The following DSCAML1 variants were observed in gnomAD, a reference collection of about 807,000 sequenced individuals.
DSCAML1 encodes DS cell adhesion molecule like 1.
A neutral mutation model predicts 200.5 loss-of-function variants in DSCAML1; 38 were observed. That is an observed-to-expected ratio of 0.19 (90% CI 0.15 to 0.25). The LOEUF (loss-of-function observed/expected upper bound fraction) is 0.25, where lower values mean the gene tolerates loss of function less well. DSCAML1 is among the 10% of genes least tolerant of loss of function. The pLI is 1.00. For synonymous variants in DSCAML1, 1,215 were observed against 1,165.0 expected, an observed-to-expected ratio of 1.04 and a Z score of -0.87; for missense variants, 2,223 against 2,858.8, an observed-to-expected ratio of 0.78 and a Z score of 5.07.
At chr11:117,762,868 G>GTAATAATAATAATAATAATAATAA (rs58166401) in intron 3 of DSCAML1, among the ~76,000 whole-genome samples, 15 of 146,654 alleles carry the variant, frequency 1.0e-4, no homozygotes, top group East Asian at 4.0e-4. Flanking sequence ...GTCTCAAATA[G>GTAATAATAATAATAATAATAATAA]TAATAATAAT....
intron 32 of DSCAML1, among the ~76,000 whole-genome samples, chr11:117,430,356 A>G (rs1378181793): frequency 6.6e-6 from 1 of 152,212 alleles, no homozygotes; most frequent in African/African-American, 2.4e-5. Flanking sequence ...ACAGCTTCAG[A>G]TTAAGGGGAT....
upstream of DSCAML1, among the ~76,000 whole-genome samples, chr11:117,799,058 G>C (rs556481125): frequency 6.6e-6 from 1 of 152,184 alleles, no homozygotes; most frequent in Admixed American, 6.5e-5. Flanking sequence ...CTGAGGCCCA[G>C]AGTGGGGAAG....
At chr11:117,539,259 C>A (rs1359165490) in intron 3 of DSCAML1, among the ~76,000 whole-genome samples, 1 of 152,132 alleles carries the variant, frequency 6.6e-6, no homozygotes, top group Non-Finnish European at 1.5e-5. Context: ...CTGCACCTGG[C>A]AAACCTCTTG....
chr11:117,814,488 C>A (rs530158462), intron 1 of DSCAML1, among the ~76,000 whole-genome samples: 3 of 152,314 alleles, frequency 2.0e-5, no homozygotes, highest in South Asian at 4.1e-4. Context: ...CTCCTGGAGG[C>A]ATGGAGCAGG....
intron 3 of DSCAML1, among the ~76,000 whole-genome samples, chr11:117,587,215 C>A (rs1042664647): frequency 3.3e-5 from 5 of 150,792 alleles, no homozygotes; most frequent in Non-Finnish European, 7.4e-5. Flanking sequence ...GGACAACGAA[C>A]AGGGTGTTGT....
intron 4 of DSCAML1, among the ~76,000 whole-genome samples, chr11:117,526,513 ATTTATT>A (rs572115947): frequency 8.0e-4 from 121 of 151,904 alleles, no homozygotes; most frequent in Non-Finnish European, 1.5e-3. Flanking sequence ...ACTCCCTGCT[ATTTATT>A]TTTATTTTTA....
chr11:117,511,949 A>C (rs567065645), intron 8 of DSCAML1, among the ~76,000 whole-genome samples: 2 of 152,240 alleles, frequency 1.3e-5, no homozygotes, highest in Non-Finnish European at 2.9e-5. Flanking sequence ...ATGTGCAGGC[A>C]TGTTGGGCGT....
intron 3 of DSCAML1, among the ~76,000 whole-genome samples, chr11:117,670,294 C>T (rs74984830): frequency 0.011 from 1,638 of 152,142 alleles, 27 homozygotes; most frequent in African/African-American, 0.035. Flanking sequence ...TTTCCCCCAC[C>T]ACTGCCGCCC....
At chr11:117,496,869 A>C (rs1269056115) in intron 11 of DSCAML1, among the ~76,000 whole-genome samples, 2 of 152,224 alleles carry the variant, frequency 1.3e-5, no homozygotes, top group African/African-American at 4.8e-5. Flanking sequence ...AGATTGTTCC[A>C]CATGGAGACT....
chr11:117,733,622 A>G (rs2054263900), intron 3 of DSCAML1, among the ~76,000 whole-genome samples: 1 of 152,218 alleles, frequency 6.6e-6, no homozygotes, highest in African/African-American at 2.4e-5. Context: ...GGGGTGGGGA[A>G]ATATTTGAGG....
chr11:117,564,094 AC>A lies in DSCAML1; in HGVS notation c.512-31573del, dbSNP rs754100508. On this transcript the variant is annotated intron_variant, in intron 3 of 32. Coordinates refer to ENST00000651296, the MANE Select transcript of DSCAML1 (RefSeq NM_020693.4). ...TCCCTGCCACATAGTTTTCCATGTC[AC>A]CAAGCAGTTCTATTTTTGGGAAAAG... 4.7e-4 allele frequency among the ~76,000 whole-genome samples: 72 copies of A among 152,154 alleles called. 3 individuals carry two copies. Among genetic ancestry groups the A allele is most frequent in the Non-Finnish European group, 1.2e-4 (8 of 68,018 alleles).
Position 117,464,227 on chromosome 11 carries a change from T to G in DSCAML1, c.3265+715A>C, listed in dbSNP as rs986800157. The stretch of plus-strand genomic sequence containing the variant: ...AAGGAAGCTTGGAAGAATGCTCTGC[T>G]GCTTCTTTATTCTGCTCTTTAGGGG... On this transcript the variant is annotated intron_variant, in intron 17 of 32. Coordinates refer to ENST00000651296, the MANE Select transcript of DSCAML1 (RefSeq NM_020693.4). Among the ~76,000 whole-genome samples, 3 of 152,332 alleles carry G rather than the reference T, an allele frequency of 2.0e-5. No individual in the cohort carries two copies. The East Asian group carries it at 5.8e-4, about 29-fold the overall frequency.
intron 3 of DSCAML1, among the ~76,000 whole-genome samples, chr11:117,596,234 G>A (rs957242713): frequency 3.9e-5 from 6 of 152,132 alleles, no homozygotes; most frequent in East Asian, 3.8e-4. Context: ...ATAAAAGATC[G>A]CAAGGCACTG....
At chr11:117,655,086 G>A (rs951752327) in intron 3 of DSCAML1, among the ~76,000 whole-genome samples, 4 of 152,218 alleles carry the variant, frequency 2.6e-5, no homozygotes, top group Non-Finnish European at 4.4e-5. Flanking sequence ...GAGCCATGGC[G>A]TGAGCCTTGC....
chr11:117,705,873 T>A (rs1284435187), intron 3 of DSCAML1, among the ~76,000 whole-genome samples: 2 of 152,140 alleles, frequency 1.3e-5, no homozygotes, highest in Non-Finnish European at 2.9e-5. Context: ...ATTTTCTCAT[T>A]TATAAAATGG....
intron 11 of DSCAML1, among the ~76,000 whole-genome samples, chr11:117,485,485 AG>A (rs1446743469): frequency 3.9e-5 from 6 of 152,236 alleles, no homozygotes; most frequent in Admixed American, 3.9e-4. Flanking sequence ...GCTTGGGGCC[AG>A]GCCAGCCTGG....
chr11:117,783,592 G>A (rs547869179), intron 1 of DSCAML1, among the ~76,000 whole-genome samples: 139 of 152,132 alleles, frequency 9.1e-4, no homozygotes, highest in African/African-American at 3.1e-3. Flanking sequence ...TCCCTCGGGG[G>A]TGTTATTATT....
intron 3 of DSCAML1, among the ~76,000 whole-genome samples, chr11:117,610,405 C>T (rs992647784): frequency 2.6e-5 from 4 of 152,268 alleles, no homozygotes; most frequent in African/African-American, 9.6e-5. Flanking sequence ...AGATTCTTAG[C>T]TGGTCTTCTG....
intron 3 of DSCAML1, among the ~76,000 whole-genome samples, chr11:117,761,862 C>T (rs922692646): frequency 2.0e-5 from 3 of 152,170 alleles, no homozygotes; most frequent in African/African-American, 4.8e-5. Context: ...TGGAGCCAGA[C>T]CTTGTCTATA....
Sources: gnomAD v4.1 joint callset for allele counts (sites outside exome capture counted in the v4.1 genomes callset) on GRCh38, gnomAD v4.1.1 for gene constraint, MANE v1.5 for transcripts, NCBI Gene and HGNC (gene_info 2026-07-23, HGNC 2026-07-21) for gene names.